Variants in AKNA observed in about 807,000 individuals in gnomAD.
AKNA encodes microtubule organization protein AKNA.
In AKNA, 67 loss-of-function variants were observed where a neutral mutation model predicts 138.8. The observed-to-expected ratio is 0.48, with a 90% CI of 0.40 to 0.59. AKNA has a LOEUF of 0.59. Among genes scored for constraint, AKNA ranks in the 20% least tolerant of loss-of-function variants. AKNA has a pLI of 0.00. For missense variants in AKNA, 1,813 were observed against 1,880.4 expected (o/e 0.96, Z 0.66); for synonymous variants, 737 against 754.4 (o/e 0.98, Z 0.38).
intron 17 of AKNA, 99 bp downstream of exon 17, chr9:114,346,570 C>A: frequency 1.0e-6 from 1 of 962,350 alleles, no homozygotes; most frequent in Admixed American, 2.7e-5. Context: ...AAACCCTTCT[C>A]CAAGTTTCCT....
rs1294695782 is a variant in AKNA, at chr9:114,376,645, G to A, written c.1162C>T (p.Pro388Ser). The A allele has an allele frequency of 6.2e-7, 1 of 1,614,108 alleles. No homozygotes were observed. The highest frequency in any genetic ancestry group is 1.7e-5 in the Admixed American group (1 of 60,010). ...ATGAGGGGCCTGGCAGGGGCCTGAG[G>A]CTTCCTGTTGTGGCTTCTGGACTTG... ...PPKSRSHNRKPQAPARPLIFK... is the reference protein window; with the variant it reads ...PPKSRSHNRKSQAPARPLIFK... Residue 388 changes from proline to serine, a missense_variant, in exon 3 of 22, where the codon CCT (proline) becomes TCT (serine). By Grantham distance (74) the Pro-to-Ser change is moderately conservative (BLOSUM62 -1). Transcript: ENST00000374088.
intron 9 of AKNA, among the ~76,000 whole-genome samples, chr9:114,360,288 C>T (rs929352569): frequency 4.6e-5 from 7 of 152,152 alleles, no homozygotes; most frequent in African/African-American, 1.7e-4. Context: ...AGGCACCATA[C>T]AGATACCATG....
chr9:114,387,618 A>T (rs1242005277), intron 1 of AKNA, among the ~76,000 whole-genome samples: 1 of 152,202 alleles, frequency 6.6e-6, no homozygotes, highest in Non-Finnish European at 1.5e-5. Context: ...CAAGTTCACA[A>T]GAGATCAGAA....
downstream of AKNA, chr9:114,334,013 T>C (rs1829909037): frequency 7.7e-6 from 1 of 129,618 alleles, no homozygotes; most frequent in African/African-American, 3.2e-5. Flanking sequence ...CACCTCCCCC[T>C]TCGCTCTGTC....
At chr9:114,348,275 A>G (rs1830840131) in intron 15 of AKNA, among the ~76,000 whole-genome samples, 1 of 152,182 alleles carries the variant, frequency 6.6e-6, no homozygotes, top group Admixed American at 6.5e-5. Context: ...CTCTCTGTCC[A>G]GGCCCAGCTC....
chr9:114,364,046 C>G (rs535702095), intron 7 of AKNA, among the ~76,000 whole-genome samples: 21 of 151,848 alleles, frequency 1.4e-4, no homozygotes, highest in Non-Finnish European at 2.4e-4. Context: ...ACAGGGTTTC[C>G]AAACTTTTGG....
rs1030646334 is a variant in AKNA, at chr9:114,376,723, A to T, written c.1084T>A (p.Ser362Thr). Residue 362 changes from serine (S) to threonine (T), a missense_variant, in exon 3 of 22, where the codon TCC (serine) becomes ACC (threonine). Coordinates refer to ENST00000374088, the MANE Select transcript of AKNA (RefSeq NM_001317950.2). ...GQLNYPLPDF[S>T]KVGPRVRFPK... is the part of the protein sequence containing the mutation. ...AATCTCACCCGGGGCCCTACCTTGG[A>T]GAAATCAGGGAGTGGGTAGTTCAAC... 1.9e-6 allele frequency: 3 copies of T among 1,612,524 alleles called. No homozygotes were observed. The highest frequency in any genetic ancestry group is 1.3e-5 in the African/African-American group (1 of 74,806).
chr9:114,367,535 C>A lies in AKNA; in HGVS notation c.1728+8G>T, dbSNP rs1832453743. 1 of 1,612,346 alleles carries A rather than the reference C, an allele frequency of 6.2e-7. No individual in the cohort carries two copies. The highest frequency in any genetic ancestry group is 8.5e-7 in the Non-Finnish European group (1 of 1,179,772). On this transcript the variant is annotated splice_region_variant and intron_variant, in intron 6 of 21. Coordinates refer to ENST00000374088, the MANE Select transcript of AKNA (RefSeq NM_001317950.2). ...GTCTCTCGGGGGCAAAGCTGGGAGT[C>A]CACTCACCTTGGCCAGGAACTGGCT...
rs753061204 is a variant in AKNA at position 114,342,038 on chromosome 9, T to C, written c.3845A>G (p.Glu1282Gly). 2 of 1,614,054 alleles carry C rather than the reference T, an allele frequency of 1.2e-6. No homozygotes were observed. The highest frequency in any genetic ancestry group is 8.5e-7 in the Non-Finnish European group (1 of 1,179,952). Residue 1282 changes from glutamate (E) to glycine (G), a missense_variant, in exon 20 of 22, where the codon GAG becomes GGG. Transcript: ENST00000374088. ...PLCGQVGSPP[E>G]ADGPGSATSG... ...GGTGGCTGAGCCTGGACCATCTGCCTCTGGGGGAGACCCAACTTGACCACA... is the reference window on the plus strand; with the variant it reads ...GGTGGCTGAGCCTGGACCATCTGCCCCTGGGGGAGACCCAACTTGACCACA...
chr9:114,365,154 A>G (rs1194124329), intron 6 of AKNA, among the ~76,000 whole-genome samples: 1 of 151,414 alleles, frequency 6.6e-6, no homozygotes, highest in Non-Finnish European at 1.5e-5. Flanking sequence ...AATTCAAGAA[A>G]CTAAAATATG....
intron 6 of AKNA, among the ~76,000 whole-genome samples, chr9:114,364,925 T>C (rs1441908117): frequency 2.6e-5 from 4 of 152,062 alleles, no homozygotes; most frequent in African/African-American, 9.7e-5. Flanking sequence ...GGACAAGAAA[T>C]TGCCTAAATG....
At chr9:114,393,848 A>G (rs1438657524) in intron 1 of AKNA, among the ~76,000 whole-genome samples, 1 of 152,018 alleles carries the variant, frequency 6.6e-6, no homozygotes, top group South Asian at 2.1e-4. Flanking sequence ...AAGAGAGAGA[A>G]AGCAAAAGAA....
intron 18 of AKNA, chr9:114,345,458 G>A (rs1001760765): frequency 1.8e-5 from 3 of 166,722 alleles, no homozygotes; most frequent in Non-Finnish European, 2.6e-5. Context: ...GCCAGGTCCT[G>A]TTTCCTGAGA....
At position 114,373,104 on chromosome 9, in the gene AKNA, G is replaced by T. The variant is rs185998202; in HGVS notation, c.1416+989C>A. ...AGGGGCAGGGTCCTGGAGCATGACA[G>T]GGGGAGGCACTGGGGCATCTGCATC... On this transcript the variant is annotated intron_variant, in intron 4 of 21. Transcript: ENST00000374088. 3.5e-3 allele frequency among the ~76,000 whole-genome samples: 530 copies of T among 152,300 alleles called. 8 individuals are homozygous for T. The highest frequency in any genetic ancestry group is 0.012 in the African/African-American group (493 of 41,568).
At chr9:114,378,767 C>T (rs1218871905) in intron 2 of AKNA, among the ~76,000 whole-genome samples, 1 of 152,196 alleles carries the variant, frequency 6.6e-6, no homozygotes, top group African/African-American at 2.4e-5. Context: ...CCCACCTGTC[C>T]ATTCATCCAT....
At chr9:114,397,762 G>A (rs1053825174), upstream of AKNA, among the ~76,000 whole-genome samples, 2 of 152,154 alleles carry the variant, frequency 1.3e-5, no homozygotes, top group African/African-American at 4.8e-5. Context: ...CTCCGCAGGT[G>A]TACCAAGAGG....
chr9:114,341,500 A>C (rs1830339327), intron 21 of AKNA, 33 bp downstream of exon 21: 1 of 1,613,148 alleles, frequency 6.2e-7, no homozygotes. Flanking sequence ...ATCTATAGAA[A>C]GAGGCTGGGA....
chr9:114,344,203 AC>A (rs1002365293), intron 18 of AKNA: 6 of 188,422 alleles, frequency 3.2e-5, no homozygotes, highest in Admixed American at 2.7e-4. Flanking sequence ...TATTCCCCAC[AC>A]CCCGACTTGC....
At chr9:114,348,905 C>T (rs945617888) in intron 15 of AKNA, 9 of 456,222 alleles carry the variant, frequency 2.0e-5, no homozygotes, top group Middle Eastern at 3.2e-4. Context: ...CCCTGGACTC[C>T]TGGGTGAGTA....
Sources: allele counts gnomAD v4.1 joint callset (sites outside exome capture counted in the v4.1 genomes callset), GRCh38; gene constraint gnomAD v4.1.1; transcripts MANE v1.5; gene names NCBI Gene and HGNC (gene_info 2026-07-23, HGNC 2026-07-21).